OSBPL8: variants seen among roughly 807,000 people sequenced by gnomAD.
OSBPL8 encodes oxysterol-binding protein-related protein 8.
OSBPL8 carries 59 observed loss-of-function variants against 125.5 expected under a neutral mutation model. That is an observed-to-expected ratio of 0.47 (90% CI 0.38 to 0.58). OSBPL8 has a LOEUF of 0.58. OSBPL8 is among the 20% of genes least tolerant of loss of function. OSBPL8 has a pLI of 0.00. For synonymous variants in OSBPL8, 330 were observed against 338.9 expected (o/e 0.97, Z 0.29); for missense variants, 758 against 1,047.8 (o/e 0.72, Z 3.82).
intron 3 of OSBPL8, among the ~76,000 whole-genome samples, chr12:76,452,519 A>C (rs1234150533): frequency 2.0e-5 from 3 of 151,860 alleles, no homozygotes; most frequent in African/African-American, 7.3e-5. Context: ...CTCTCCCCAA[A>C]CTCAGTTCAT....
intron 1 of OSBPL8, among the ~76,000 whole-genome samples, chr12:76,510,232 T>C (rs1880834916): frequency 6.6e-6 from 1 of 152,210 alleles, no homozygotes; most frequent in Non-Finnish European, 1.5e-5. Context: ...TTTAGACAGA[T>C]ATATATGTAT....
chr12:76,478,351 A>G (rs1193797687), intron 2 of OSBPL8, among the ~76,000 whole-genome samples: 1 of 152,170 alleles, frequency 6.6e-6, no homozygotes, highest in Non-Finnish European at 1.5e-5. Context: ...CAAAAAAAAA[A>G]TAATTTTTAC....
At chr12:76,419,897 A>C (rs910204707) in intron 4 of OSBPL8, among the ~76,000 whole-genome samples, 4 of 152,208 alleles carry the variant, frequency 2.6e-5, no homozygotes, top group African/African-American at 9.6e-5. Flanking sequence ...CAGAGACTTC[A>C]GTTTCCCATC....
At position 76,391,930 on chromosome 12, in the gene OSBPL8, G is replaced by A. The variant is rs562636968; in HGVS notation, c.929+651C>T. ...GTGGTTACAGAGCAGAAGCCAAGGG[G>A]TGGGGACAGGGAGGAAATAGAAAAG... On this transcript the variant is annotated intron_variant, in intron 10 of 23. Coordinates refer to ENST00000261183, the MANE Select transcript of OSBPL8 (RefSeq NM_020841.5). Among the ~76,000 whole-genome samples the A allele has an allele frequency of 2.6e-5, 4 of 152,312 alleles. No homozygotes were observed. The South Asian group carries it at 6.2e-4, about 24-fold the overall frequency.
At chr12:76,418,536 C>T (rs538821501) in intron 4 of OSBPL8, among the ~76,000 whole-genome samples, 2 of 152,190 alleles carry the variant, frequency 1.3e-5, no homozygotes, top group Admixed American at 1.3e-4. Flanking sequence ...CCTATAACAA[C>T]AGCACATATT....
At chr12:76,548,895 TACAAAAACAAAC>T (rs914826044) in intron 1 of OSBPL8, among the ~76,000 whole-genome samples, 3 of 151,704 alleles carry the variant, frequency 2.0e-5, no homozygotes, top group African/African-American at 4.8e-5. Flanking sequence ...AAAGAATGAT[TACAAAAACAAAC>T]ATAAAAACTG....
chr12:76,389,625 A>G lies in OSBPL8; in HGVS notation c.1352+20T>C. 2 of 1,483,222 alleles carry G rather than the reference A, an allele frequency of 1.3e-6. No individual in the cohort carries two copies. The highest frequency in any genetic ancestry group is 1.8e-6 in the Non-Finnish European group (2 of 1,099,748). 91.9% of individuals were successfully genotyped at this position (1,483,222 alleles called of 1,614,324 possible). A position where few individuals can be genotyped will look rare whatever the true frequency, so the allele number is the denominator to read the frequency against. ...AAATCATGAAGTATTGTCTATTTTA[A>G]GAAATAAGAATCTACTTACTCAGAT... is the stretch of plus-strand genomic sequence containing the variant. On this transcript the variant is annotated intron_variant, in intron 12 of 23. Coordinates refer to ENST00000261183, the MANE Select transcript of OSBPL8 (RefSeq NM_020841.5).
At chr12:76,369,974 C>A in intron 19 of OSBPL8, 152 bp from the exon 20 acceptor site, 2 of 719,234 alleles carry the variant, frequency 2.8e-6, no homozygotes, top group Non-Finnish European at 4.4e-6. Flanking sequence ...AGAAATGAGT[C>A]AAGATATAAA....
intron 5 of OSBPL8, among the ~76,000 whole-genome samples, chr12:76,405,592 G>C (rs1286078188): frequency 6.6e-6 from 1 of 152,186 alleles, no homozygotes; most frequent in Non-Finnish European, 1.5e-5. Flanking sequence ...CGCCCTCAAG[G>C]AATCTTTAAC....
At chr12:76,496,749 C>T (rs553662209) in intron 1 of OSBPL8, among the ~76,000 whole-genome samples, 226 of 152,180 alleles carry the variant, frequency 1.5e-3, no homozygotes, top group African/African-American at 5.2e-3. Flanking sequence ...ACCATGTTGG[C>T]CAGGCTGGCC....
At chr12:76,541,274 T>C (rs1950637868) in intron 1 of OSBPL8, among the ~76,000 whole-genome samples, 1 of 151,924 alleles carries the variant, frequency 6.6e-6, no homozygotes. Context: ...AGGCCAGCAG[T>C]TTGAGACCAG....
At chr12:76,445,232 T>C (rs1187353911) in intron 4 of OSBPL8, among the ~76,000 whole-genome samples, 1 of 152,164 alleles carries the variant, frequency 6.6e-6, no homozygotes, top group Non-Finnish European at 1.5e-5. Flanking sequence ...ATGGTAAAAG[T>C]AAGAATAAAA....
At chr12:76,547,728 C>G (rs957200275) in intron 1 of OSBPL8, among the ~76,000 whole-genome samples, 9 of 152,136 alleles carry the variant, frequency 5.9e-5, no homozygotes, top group Admixed American at 4.6e-4. Flanking sequence ...CCACAAGGGT[C>G]ATGTGTTTAA....
intron 2 of OSBPL8, among the ~76,000 whole-genome samples, chr12:76,480,824 A>G (rs983836562): frequency 6.6e-6 from 1 of 152,212 alleles, no homozygotes; most frequent in African/African-American, 2.4e-5. Flanking sequence ...CCTCCCAAAG[A>G]TGTCCACACC....
chr12:76,358,690 CAAT>C lies in OSBPL8; in HGVS notation c.2434+13_2434+15del, dbSNP rs763172294. ...AAAAAGTTAGACTCTCATTAGTCTG[CAAT>C]AAATATTTTTACCTTCACTTCCAGA... On this transcript the variant is annotated intron_variant, in intron 22 of 23. Coordinates refer to ENST00000261183, the MANE Select transcript of OSBPL8 (RefSeq NM_020841.5). The C allele has an allele frequency of 1.8e-5, 28 of 1,567,884 alleles. No individual in the cohort carries two copies. The African/African-American group carries it at 3.1e-4, about 17-fold the overall frequency.
chr12:76,487,469 G>A lies in OSBPL8; in HGVS notation c.42+41C>T, dbSNP rs758971264. 3.9e-6 allele frequency: 6 copies of A among 1,538,594 alleles called. No individual in the cohort carries two copies. In the Admixed American group the frequency reaches 6.4e-5, roughly 16 times the overall value. ...CCTAGCTTACATCAAACACTTCACA[G>A]TTACAGATGATAGAACCTATGTCAT... On this transcript the variant is annotated intron_variant, in intron 2 of 23. Coordinates refer to ENST00000261183, the MANE Select transcript of OSBPL8 (RefSeq NM_020841.5).
intron 4 of OSBPL8, among the ~76,000 whole-genome samples, chr12:76,448,990 C>T (rs112990546): frequency 1.4e-3 from 220 of 151,906 alleles, no homozygotes; most frequent in South Asian, 5.0e-3. Flanking sequence ...TCTAGCCTGG[C>T]GACAGAGCAA....
At chr12:76,540,105 A>G (rs1950601351) in intron 1 of OSBPL8, among the ~76,000 whole-genome samples, 1 of 152,172 alleles carries the variant, frequency 6.6e-6, no homozygotes, top group Non-Finnish European at 1.5e-5. Flanking sequence ...TTATCCCCTT[A>G]AGTGTTCACA....
chr12:76,358,625 A>C, intron 22 of OSBPL8, 81 bp downstream of exon 22: 3 of 1,206,290 alleles, frequency 2.5e-6, no homozygotes, highest in Non-Finnish European at 2.4e-6. Context: ...AACTTGAGTT[A>C]ATATGAAAAA....
Sources: allele counts gnomAD v4.1 joint callset (sites outside exome capture counted in the v4.1 genomes callset), GRCh38; gene constraint gnomAD v4.1.1; transcripts MANE v1.5; gene names NCBI Gene and HGNC (gene_info 2026-07-23, HGNC 2026-07-21).